Variants in SLC12A8 observed in about 807,000 individuals in gnomAD.
The protein encoded by SLC12A8 is cation-chloride cotransporter 9.
A neutral mutation model predicts 75.6 loss-of-function variants in SLC12A8; 69 were observed. That is an observed-to-expected ratio of 0.91 (90% CI 0.75 to 1.11). The LOEUF (loss-of-function observed/expected upper bound fraction) is 1.11. Ranked by LOEUF, SLC12A8 falls within the 50% of genes most tolerant of loss-of-function variation. The pLI is 0.00. For missense variants in SLC12A8, 877 were observed against 896.7 expected (o/e 0.98, Z 0.28); for synonymous variants, 365 against 372.8 (o/e 0.98, Z 0.24).
intron 2 of SLC12A8, among the ~76,000 whole-genome samples, chr3:125,204,443 C>A (rs1000082992): frequency 6.6e-6 from 1 of 152,102 alleles, no homozygotes; most frequent in Admixed American, 6.5e-5. Flanking sequence ...GTGGATGGAA[C>A]TGGAGGTCAT....
Position 125,107,533 on chromosome 3 carries a change from A to G in SLC12A8, c.1653T>C (p.Tyr551=), listed in dbSNP as rs34835328. ...ACAGCTCAGGAACAAGTTGCTCTCC[A>G]TATGTTCCCTCAGGCTGAGTCCCTT... ...KSEGTQPEGT[Y]GEQLVPELCN... is the part of the protein sequence containing the mutation. The change falls in exon 10 of 14, where the codon TAT becomes TAC. Residue 551 remains tyrosine, a synonymous_variant. Transcript: ENST00000469902. 1.4e-5 allele frequency: 23 copies of G among 1,613,970 alleles called. 1 individual carries two copies. Among genetic ancestry groups the G allele is most frequent in the Admixed American group, 3.3e-5 (2 of 59,996 alleles).
chr3:125,198,953 A>T (rs148721303), intron 2 of SLC12A8, among the ~76,000 whole-genome samples: 13,421 of 151,376 alleles, frequency 0.089, 659 homozygotes, highest in South Asian at 0.16. Flanking sequence ...AATTTTTTTG[A>T]ATTTTTAGTA....
At position 125,108,599 on chromosome 3, in the gene SLC12A8, C is replaced by T. The variant is rs564267835; in HGVS notation, c.1060-473G>A. On this transcript the variant is annotated intron_variant, in intron 9 of 13. Coordinates refer to ENST00000469902, the MANE Select transcript of SLC12A8 (RefSeq NM_024628.6). Reference sequence around the variant, plus strand: ...GCCCAGGCCAGTCACAAACTCCTGGCCTCAAGCAATCTGCCCACCTTGGCC... The same window carrying T: ...GCCCAGGCCAGTCACAAACTCCTGGTCTCAAGCAATCTGCCCACCTTGGCC... Among the ~76,000 whole-genome samples, 7 of 152,268 alleles carry T rather than the reference C, an allele frequency of 4.6e-5. No individual in the cohort carries two copies. In the East Asian group the frequency reaches 1.4e-3, roughly 29 times the overall value.
intron 5 of SLC12A8, among the ~76,000 whole-genome samples, chr3:125,167,305 C>T (rs1934310939): frequency 6.6e-6 from 1 of 152,114 alleles, no homozygotes; most frequent in South Asian, 2.1e-4. Context: ...ATGCACCGCA[C>T]CTGGCTAATT....
chr3:125,115,903 A>T (rs1015553679), intron 8 of SLC12A8, among the ~76,000 whole-genome samples: 11 of 152,138 alleles, frequency 7.2e-5, no homozygotes, highest in Admixed American at 7.2e-4. Context: ...CACAAGTAAG[A>T]CAGGAAGCTG....
intron 6 of SLC12A8, among the ~76,000 whole-genome samples, chr3:125,133,156 C>A (rs957013876): frequency 3.3e-5 from 5 of 151,858 alleles, no homozygotes; most frequent in African/African-American, 1.2e-4. Context: ...GAGGGAAAGG[C>A]TATTGCTATA....
Position 125,083,799 on chromosome 3 carries a change from C to T in SLC12A8, c.*91G>A. ...CAGCGGGAGGATGGGTCTTGAGTTT[C>T]TCAGGTTGGAGAAGCAGCTCCACGA... On this transcript the variant is annotated 3_prime_UTR_variant, in exon 14 of 14. Coordinates refer to ENST00000469902, the MANE Select transcript of SLC12A8 (RefSeq NM_024628.6). 1 of 1,281,984 alleles carries T rather than the reference C, an allele frequency of 7.8e-7. No homozygotes were observed. Among genetic ancestry groups the T allele is most frequent in the East Asian group, 2.6e-5 (1 of 38,942 alleles). 79.4% of individuals were successfully genotyped at this position (1,281,984 alleles called of 1,614,324 possible).
At chr3:125,128,470 G>C (rs185954728) in intron 6 of SLC12A8, among the ~76,000 whole-genome samples, 2 of 134,898 alleles carry the variant, frequency 1.5e-5, no homozygotes, top group African/African-American at 5.7e-5. Flanking sequence ...GTGAGCCACC[G>C]CGCCCGGCCT....
intron 6 of SLC12A8, 128 bp from the exon 7 acceptor site, chr3:125,120,814 A>T (rs1313172457): frequency 1.4e-6 from 1 of 737,974 alleles, no homozygotes; most frequent in Non-Finnish European, 2.4e-6. Context: ...CTCCAGCTGC[A>T]GCTCTGCGCA....
chr3:125,211,184 C>T, intron 2 of SLC12A8, 115 bp downstream of exon 2: 2 of 860,522 alleles, frequency 2.3e-6, no homozygotes. Flanking sequence ...CCAAAATAGA[C>T]TTTGGAGTTA....
At chr3:125,187,106 C>A in intron 4 of SLC12A8, 131 bp downstream of exon 4, 1 of 851,382 alleles carries the variant, frequency 1.2e-6, no homozygotes, top group Non-Finnish European at 1.9e-6. Flanking sequence ...CCCTTCAGAG[C>A]CCCAACCTGC....
At chr3:125,160,433 C>T (rs1579514157) in intron 5 of SLC12A8, among the ~76,000 whole-genome samples, 1 of 152,220 alleles carries the variant, frequency 6.6e-6, no homozygotes, top group Admixed American at 6.5e-5. Context: ...TACCACTGTC[C>T]TCACTATTAC....
intron 9 of SLC12A8, among the ~76,000 whole-genome samples, chr3:125,109,716 G>A (rs1469407527): frequency 6.6e-6 from 1 of 152,194 alleles, no homozygotes; most frequent in Non-Finnish European, 1.5e-5. Context: ...TGGTTAACAG[G>A]AAGTGTAGAC....
intron 2 of SLC12A8, among the ~76,000 whole-genome samples, chr3:125,197,186 C>T (rs1935024245): frequency 6.6e-6 from 1 of 152,198 alleles, no homozygotes; most frequent in Non-Finnish European, 1.5e-5. Context: ...AAGGGGCTCC[C>T]ACTAGCCAAA....
At chr3:125,141,976 G>T (rs1037834157) in intron 5 of SLC12A8, among the ~76,000 whole-genome samples, 3 of 152,226 alleles carry the variant, frequency 2.0e-5, no homozygotes, top group Non-Finnish European at 4.4e-5. Flanking sequence ...GGCGTCGGGG[G>T]AAGTGGTAGG....
At chr3:125,156,620 G>A (rs1030100518) in intron 5 of SLC12A8, among the ~76,000 whole-genome samples, 2 of 152,194 alleles carry the variant, frequency 1.3e-5, no homozygotes, top group East Asian at 1.9e-4. Flanking sequence ...TGAGAAGGGC[G>A]GGAATGGAAA....
chr3:125,092,108 A>G lies in SLC12A8; in HGVS notation c.1796T>C (p.Leu599Pro). Residue 599 changes from leucine to proline, a missense_variant, in exon 11 of 14, where the codon CTG becomes CCG. Leu to Pro is a moderately conservative substitution (Grantham distance 98). Coordinates refer to ENST00000469902, the MANE Select transcript of SLC12A8 (RefSeq NM_024628.6). ...YTHMCNPWVS[L>P]LGAVGSLLIM... ...CAAGATGAAGTTACTCACCCCCAACAGGGAGACCCAGGGGTTGCACATGTG... is the reference window on the plus strand; with the variant it reads ...CAAGATGAAGTTACTCACCCCCAACGGGGAGACCCAGGGGTTGCACATGTG... 1 of 1,609,192 alleles carries G rather than the reference A, an allele frequency of 6.2e-7. No homozygotes were observed. The highest frequency in any genetic ancestry group is 1.7e-5 in the Admixed American group (1 of 59,936).
At chr3:125,183,789 C>T (rs1934714875) in intron 4 of SLC12A8, among the ~76,000 whole-genome samples, 1 of 151,958 alleles carries the variant, frequency 6.6e-6, no homozygotes, top group Non-Finnish European at 1.5e-5. Context: ...CCCTCAGGCC[C>T]ACACAGGTAA....
At chr3:125,138,208 C>G (rs111974517) in intron 5 of SLC12A8, among the ~76,000 whole-genome samples, 74 of 152,220 alleles carry the variant, frequency 4.9e-4, no homozygotes, top group African/African-American at 1.7e-3. Flanking sequence ...TTGAAACCAG[C>G]CTGGCCAAAA....
Sources: gnomAD v4.1 joint callset for allele counts (sites outside exome capture counted in the v4.1 genomes callset) on GRCh38, gnomAD v4.1.1 for gene constraint, MANE v1.5 for transcripts, NCBI Gene and HGNC (gene_info 2026-07-23, HGNC 2026-07-21) for gene names.